The following LRP1B variants were observed in gnomAD, a reference collection of about 807,000 sequenced individuals.
The protein encoded by LRP1B is LDL receptor related protein 1B, also known as low-density lipoprotein receptor-related protein 1B.
LRP1B carries 217 observed loss-of-function variants against 556.6 expected under a neutral mutation model. The ratio of observed to expected loss-of-function variants is 0.39; its 90% CI spans 0.35 to 0.44. LRP1B has a LOEUF of 0.44. LRP1B is among the 20% of genes least tolerant of loss of function. LRP1B has a pLI of 1.00. For synonymous variants in LRP1B, 2,047 were observed against 1,865.8 expected, an observed-to-expected ratio of 1.10 and a Z score of -2.50; for missense variants, 5,053 against 5,620.8, an observed-to-expected ratio of 0.90 and a Z score of 3.23.
intron 29 of LRP1B, 91 bp downstream of exon 29, chr2:140,850,011 T>C (rs1692408035): frequency 4.9e-6 from 4 of 817,128 alleles, no homozygotes; most frequent in Non-Finnish European, 7.9e-6. Context: ...AGCATAAAGT[T>C]GAATAAAAGA....
In LRP1B at chr2:141,251,511, GC is replaced by G. The variant is rs1402374967; in HGVS notation, c.463+3010del. Reference sequence around the variant, plus strand: ...CTAGTTTTGTTTTTGTTTTCTTTCAGCATAAAACAAATGTGAGAATATTTAT... The same window carrying G: ...CTAGTTTTGTTTTTGTTTTCTTTCAGATAAAACAAATGTGAGAATATTTAT... On this transcript the variant is annotated intron_variant, in intron 4 of 90. Transcript: ENST00000389484. Among the ~76,000 whole-genome samples the G allele has an allele frequency of 4.6e-5, 7 of 152,210 alleles. No individual in the cohort carries two copies. In the South Asian group the frequency reaches 1.0e-3, roughly 23 times the overall value.
At chr2:141,856,356 A>G (rs973535888) in intron 1 of LRP1B, among the ~76,000 whole-genome samples, 6 of 152,186 alleles carry the variant, frequency 3.9e-5, no homozygotes, top group Non-Finnish European at 5.9e-5. Flanking sequence ...CATCTAATCC[A>G]GTATTAAGGC....
intron 21 of LRP1B, among the ~76,000 whole-genome samples, chr2:140,911,099 G>A (rs186055427): frequency 6.6e-6 from 1 of 151,850 alleles, no homozygotes; most frequent in African/African-American, 2.4e-5. Context: ...AGAAGAATGT[G>A]TCAATCTACA....
At position 141,072,161 on chromosome 2, in the gene LRP1B, C is replaced by T. The variant is rs75024120; in HGVS notation, c.1014-9888G>A. On this transcript the variant is annotated intron_variant, in intron 7 of 90. Coordinates refer to ENST00000389484, the MANE Select transcript of LRP1B (RefSeq NM_018557.3). The stretch of plus-strand genomic sequence containing the variant: ...GAAACCTTCACTCCATGATCAAGCT[C>T]CATAATATCATAAGATTATACTTTG... Among the ~76,000 whole-genome samples the T allele has an allele frequency of 5.4e-3, 827 of 152,140 alleles. 9 individuals carry two copies. The highest frequency in any genetic ancestry group is 0.019 in the African/African-American group (779 of 41,528).
At chr2:140,542,173 C>T (rs1466722216) in intron 43 of LRP1B, among the ~76,000 whole-genome samples, 1 of 151,864 alleles carries the variant, frequency 6.6e-6, no homozygotes, top group Non-Finnish European at 1.5e-5. Context: ...ATTGTTAGTG[C>T]TTGCAGTGTG....
intron 1 of LRP1B, among the ~76,000 whole-genome samples, chr2:142,066,110 T>C (rs945149000): frequency 2.6e-5 from 4 of 151,624 alleles, no homozygotes; most frequent in African/African-American, 9.7e-5. Flanking sequence ...AGAAACTTTT[T>C]GTATGACTGA....
chr2:141,356,290 T>C (rs1404795012), intron 3 of LRP1B, among the ~76,000 whole-genome samples: 1 of 152,166 alleles, frequency 6.6e-6, no homozygotes, highest in Non-Finnish European at 1.5e-5. Context: ...GCAATGATAA[T>C]GTCTTCCCTG....
At chr2:140,767,459 C>T (rs1027478326) in intron 35 of LRP1B, among the ~76,000 whole-genome samples, 1 of 151,844 alleles carries the variant, frequency 6.6e-6, no homozygotes, top group South Asian at 2.1e-4. Flanking sequence ...GTCCTATTCT[C>T]TGCAAATAAA....
chr2:140,733,231 A>G (rs1269961665), intron 35 of LRP1B, among the ~76,000 whole-genome samples: 2 of 152,124 alleles, frequency 1.3e-5, no homozygotes, highest in Non-Finnish European at 2.9e-5. Context: ...TATAGTACGA[A>G]TAACCCTTTC....
intron 23 of LRP1B, among the ~76,000 whole-genome samples, chr2:140,889,945 T>G (rs1465334444): frequency 6.6e-6 from 1 of 152,212 alleles, no homozygotes; most frequent in Non-Finnish European, 1.5e-5. Context: ...CATTTTCATA[T>G]GTAGACATCA....
intron 2 of LRP1B, among the ~76,000 whole-genome samples, chr2:141,677,558 C>T (rs1002077348): frequency 3.3e-5 from 5 of 152,146 alleles, no homozygotes; most frequent in South Asian, 2.1e-4. Context: ...GGCACAATCT[C>T]GTTTCACCGC....
intron 2 of LRP1B, among the ~76,000 whole-genome samples, chr2:141,627,549 T>C (rs1688746251): frequency 1.3e-5 from 2 of 151,928 alleles, no homozygotes; most frequent in East Asian, 3.9e-4. Context: ...TGCATTAGAT[T>C]CTCATAGGAG....
chr2:141,702,219 A>G (rs1691965559), intron 2 of LRP1B, among the ~76,000 whole-genome samples: 1 of 151,906 alleles, frequency 6.6e-6, no homozygotes, highest in African/African-American at 2.4e-5. Flanking sequence ...AAGTTTTTGT[A>G]GTATCGTAGT....
intron 83 of LRP1B, among the ~76,000 whole-genome samples, chr2:140,311,456 T>C (rs1249566863): frequency 6.6e-6 from 1 of 151,774 alleles, no homozygotes; most frequent in African/African-American, 2.4e-5. Flanking sequence ...TTCTTACTTA[T>C]AAATAGGAGC....
intron 41 of LRP1B, among the ~76,000 whole-genome samples, chr2:140,619,073 CTACACACACA>C (rs1683358848): frequency 1.4e-5 from 1 of 73,358 alleles, no homozygotes; most frequent in Admixed American, 1.3e-4. Flanking sequence ...GTATATCTAT[CTACACACACA>C]CACACACACA....
intron 43 of LRP1B, among the ~76,000 whole-genome samples, chr2:140,554,633 T>C (rs1482507555): frequency 6.6e-6 from 1 of 152,050 alleles, no homozygotes; most frequent in Non-Finnish European, 1.5e-5. Context: ...ATAGAGGATA[T>C]TACAAGAGCT....
chr2:141,062,519 G>A (rs1699364047), intron 7 of LRP1B, among the ~76,000 whole-genome samples: 1 of 151,706 alleles, frequency 6.6e-6, no homozygotes, highest in Non-Finnish European at 1.5e-5. Context: ...GATTATAGTG[G>A]GTTTATTTTT....
chr2:140,872,360 ATTTTTTT>A (rs59469282), intron 25 of LRP1B, among the ~76,000 whole-genome samples: 90 of 60,486 alleles, frequency 1.5e-3, no homozygotes, highest in African/African-American at 5.7e-3. Flanking sequence ...GTGTCACCTG[ATTTTTTT>A]TTTTTTTTTT....
intron 32 of LRP1B, among the ~76,000 whole-genome samples, chr2:140,800,321 A>G (rs1037547797): frequency 6.6e-6 from 1 of 152,126 alleles, no homozygotes; most frequent in South Asian, 2.1e-4. Context: ...TGGGTACAGC[A>G]CACCAACATG....
Sources: allele counts gnomAD v4.1 joint callset (sites outside exome capture counted in the v4.1 genomes callset), GRCh38; gene constraint gnomAD v4.1.1; transcripts MANE v1.5; gene names NCBI Gene and HGNC (gene_info 2026-07-23, HGNC 2026-07-21).